Variants in MB21D2 observed in about 807,000 individuals in gnomAD.
MB21D2 encodes the protein Mab-21 domain containing 2.
A neutral mutation model predicts 33.3 loss-of-function variants in MB21D2; 9 were observed. The observed-to-expected ratio is 0.27, with a 90% CI of 0.16 to 0.47. MB21D2 has a LOEUF of 0.47. Ranked by LOEUF, MB21D2 falls within the 20% of genes least tolerant of loss-of-function variation. The pLI is 0.99. For missense variants in MB21D2, 540 were observed against 624.6 expected (o/e 0.86, Z 1.44); for synonymous variants, 241 against 236.3 (o/e 1.02, Z -0.18).
chr3:192,885,508 A>T (rs1713712794), intron 1 of MB21D2, among the ~76,000 whole-genome samples: 1 of 151,988 alleles, frequency 6.6e-6, no homozygotes, highest in Non-Finnish European at 1.5e-5. Flanking sequence ...CAGCAGGAAA[A>T]CTCCGAAGTG....
At chr3:192,835,099 C>T (rs755534010) in intron 1 of MB21D2, among the ~76,000 whole-genome samples, 1 of 147,530 alleles carries the variant, frequency 6.8e-6, no homozygotes, top group Non-Finnish European at 1.5e-5. Flanking sequence ...TGAGCCACCA[C>T]GCCTGGCCGA....
intron 1 of MB21D2, among the ~76,000 whole-genome samples, chr3:192,822,476 T>TCTC (rs35026218): frequency 0.55 from 83,585 of 151,598 alleles, 23,247 homozygotes; most frequent in East Asian, 0.74. Flanking sequence ...ACATAGAAGT[T>TCTC]CTAATAGATG....
At chr3:192,818,928 C>T (rs1351021284) in intron 1 of MB21D2, among the ~76,000 whole-genome samples, 1 of 152,050 alleles carries the variant, frequency 6.6e-6, no homozygotes, top group Non-Finnish European at 1.5e-5. Context: ...CAATACAGTT[C>T]CCTTGAATGT....
At chr3:192,856,605 G>T (rs2108631805) in intron 1 of MB21D2, among the ~76,000 whole-genome samples, 1 of 152,182 alleles carries the variant, frequency 6.6e-6, no homozygotes, top group East Asian at 1.9e-4. Flanking sequence ...CCAGGCTGGA[G>T]TGCAGTGGTG....
chr3:192,901,719 T>C (rs1452066929), intron 1 of MB21D2, among the ~76,000 whole-genome samples: 1 of 152,200 alleles, frequency 6.6e-6, no homozygotes, highest in Admixed American at 6.5e-5. Flanking sequence ...AAGAGGCCAA[T>C]CCCTTAGTTC....
intron 1 of MB21D2, among the ~76,000 whole-genome samples, chr3:192,820,698 C>T (rs1392381468): frequency 2.6e-5 from 4 of 152,268 alleles, no homozygotes; most frequent in Admixed American, 6.5e-5. Flanking sequence ...TCCGCTGCCT[C>T]GTTCAGCCAG....
intron 1 of MB21D2, among the ~76,000 whole-genome samples, chr3:192,912,980 C>CTAA (rs1442629498): frequency 6.6e-6 from 1 of 152,214 alleles, no homozygotes; most frequent in African/African-American, 2.4e-5. Context: ...ATTACATGAG[C>CTAA]TAATGGACTT....
At chr3:192,893,479 G>T (rs1422837397) in intron 1 of MB21D2, among the ~76,000 whole-genome samples, 2 of 152,212 alleles carry the variant, frequency 1.3e-5, no homozygotes, top group African/African-American at 4.8e-5. Flanking sequence ...TGGGGAAAGT[G>T]AGGGCCAGAA....
intron 1 of MB21D2, among the ~76,000 whole-genome samples, chr3:192,806,471 A>C (rs1339661710): frequency 6.6e-6 from 1 of 152,134 alleles, no homozygotes; most frequent in East Asian, 1.9e-4. Flanking sequence ...TGCAGCTCAA[A>C]CCTGTGTTGT....
chr3:192,804,208 G>T (rs780081961), intron 1 of MB21D2, among the ~76,000 whole-genome samples: 1 of 152,072 alleles, frequency 6.6e-6, no homozygotes, highest in African/African-American at 2.4e-5. Flanking sequence ...TTATGTTCTA[G>T]TGAATAAAAC....
chr3:192,914,260 C>T (rs1714415946), intron 1 of MB21D2, among the ~76,000 whole-genome samples: 1 of 152,162 alleles, frequency 6.6e-6, no homozygotes, highest in African/African-American at 2.4e-5. Context: ...AAAGCAATAC[C>T]TCCTCAAAAG....
At chr3:192,882,939 G>T (rs1161888385) in intron 1 of MB21D2, among the ~76,000 whole-genome samples, 6 of 151,950 alleles carry the variant, frequency 3.9e-5, no homozygotes, top group Non-Finnish European at 8.8e-5. Context: ...TGCCATGTTG[G>T]CCAGGCTGGT....
At chr3:192,851,080 T>G (rs1311858064) in intron 1 of MB21D2, among the ~76,000 whole-genome samples, 1 of 152,184 alleles carries the variant, frequency 6.6e-6, no homozygotes, top group African/African-American at 2.4e-5. Flanking sequence ...CGAATGAATT[T>G]AAAAGGTAAA....
chr3:192,798,413 A>G lies in MB21D2; in HGVS notation c.1449T>C (p.His483=), dbSNP rs1249057966. 1 of 1,614,006 alleles carries G rather than the reference A, an allele frequency of 6.2e-7. No homozygotes were observed. Among genetic ancestry groups the G allele is most frequent in the East Asian group, 2.2e-5 (1 of 44,902 alleles). Reference sequence around the variant, plus strand: ...AGAAAAATTTGTCATCAATTCTGAAATGGGGCCTTGTGACATCGTCAGGAT... The same window carrying G: ...AGAAAAATTTGTCATCAATTCTGAAGTGGGGCCTTGTGACATCGTCAGGAT... ...FINPDDVTRP[H]FRIDDKFF is the part of the protein sequence containing the mutation. The change falls in exon 2 of 2, where the codon CAT becomes CAC. Residue 483 remains histidine, a synonymous_variant. Transcript: ENST00000392452. This position sits in a 1 kb window ranked among gnomAD's most constrained non-coding sequence, Gnocchi z 4.8.
intron 1 of MB21D2, among the ~76,000 whole-genome samples, chr3:192,845,274 G>T (rs1018382170): frequency 6.6e-6 from 1 of 152,108 alleles, no homozygotes; most frequent in Non-Finnish European, 1.5e-5. Flanking sequence ...AGTAAACTCC[G>T]ACCGCTTTCA....
At chr3:192,834,050 G>C (rs551121159) in intron 1 of MB21D2, among the ~76,000 whole-genome samples, 1 of 152,106 alleles carries the variant, frequency 6.6e-6, no homozygotes, top group African/African-American at 2.4e-5. Context: ...TGAATTGCAG[G>C]ACCAATCACA....
At chr3:192,825,187 G>T (rs1272574982) in intron 1 of MB21D2, among the ~76,000 whole-genome samples, 1 of 152,216 alleles carries the variant, frequency 6.6e-6, no homozygotes, top group Non-Finnish European at 1.5e-5. Context: ...TGTCGCCCAG[G>T]CTGGGGTGCG....
At chr3:192,903,189 C>T (rs1033277790) in intron 1 of MB21D2, among the ~76,000 whole-genome samples, 1 of 152,246 alleles carries the variant, frequency 6.6e-6, no homozygotes, top group South Asian at 2.1e-4. Context: ...CTCCCTGGAG[C>T]ACAAATGCTA....
At chr3:192,905,547 G>A (rs561516796) in intron 1 of MB21D2, among the ~76,000 whole-genome samples, 2 of 149,238 alleles carry the variant, frequency 1.3e-5, no homozygotes, top group East Asian at 2.0e-4. Flanking sequence ...TGAGGCAGGA[G>A]AATCGCTTGA....
Sources: allele counts gnomAD v4.1 joint callset (sites outside exome capture counted in the v4.1 genomes callset), GRCh38; gene constraint gnomAD v4.1.1; non-coding constraint Gnocchi (gnomAD v3.1); transcripts MANE v1.5; gene names NCBI Gene and HGNC (gene_info 2026-07-23, HGNC 2026-07-21).